The following SNX30 variants were observed in gnomAD, a reference collection of about 807,000 sequenced individuals.
SNX30 encodes the protein sorting nexin-30.
SNX30 carries 24 observed loss-of-function variants against 46.4 expected under a neutral mutation model. The ratio of observed to expected loss-of-function variants is 0.52; its 90% confidence interval spans 0.37 to 0.73. The LOEUF (loss-of-function observed/expected upper bound fraction) is 0.73. Among genes scored for constraint, SNX30 ranks in the 30% least tolerant of loss-of-function variants. The probability of loss-of-function intolerance (pLI) is 0.00; values close to 1 mark genes in which losing one functional copy is unlikely to be tolerated. For synonymous variants in SNX30, 189 were observed against 211.5 expected (o/e 0.89, Z 0.92); for missense variants, 533 against 555.7 (o/e 0.96, Z 0.41).
At chr9:112,850,731 G>A in intron 6 of SNX30, 128 bp from the exon 7 acceptor site, 1 of 634,708 alleles carries the variant, frequency 1.6e-6, no homozygotes, top group East Asian at 2.8e-5. Flanking sequence ...ACTGTCCTAG[G>A]AGCACATGGC....
downstream of SNX30, among the ~76,000 whole-genome samples, chr9:112,882,841 G>C (rs1417412775): frequency 1.3e-5 from 2 of 152,114 alleles, no homozygotes; most frequent in Non-Finnish European, 2.9e-5. Flanking sequence ...ACCTTTGGAA[G>C]TACTTTAGGT....
rs1840195282 is a variant in SNX30 at position 112,804,615 on chromosome 9, A to G, written c.157-161A>G. Reference sequence around the variant, plus strand: ...AGTTTGTTTCTCTTGGTCGTAAAAGATTTGTTCACTCAAGAAACACTGAGT... The same window carrying G: ...AGTTTGTTTCTCTTGGTCGTAAAAGGTTTGTTCACTCAAGAAACACTGAGT... On this transcript the variant is annotated intron_variant, in intron 1 of 8. Transcript: ENST00000374232. Among the ~76,000 whole-genome samples the G allele has an allele frequency of 1.3e-5, 2 of 152,166 alleles. 1 individual carries two copies. The highest frequency in any genetic ancestry group is 4.1e-4 in the South Asian group (2 of 4,828).
At chr9:112,791,025 G>A (rs73548661) in intron 1 of SNX30, among the ~76,000 whole-genome samples, 1,666 of 152,200 alleles carry the variant, frequency 0.011, 26 homozygotes, top group African/African-American at 0.037. Flanking sequence ...TTTAAAATAT[G>A]TCCACTACAT....
At chr9:112,752,587 A>G (rs952325114) in intron 1 of SNX30, among the ~76,000 whole-genome samples, 4 of 152,226 alleles carry the variant, frequency 2.6e-5, no homozygotes, top group Non-Finnish European at 5.9e-5. Context: ...CCTGGGCAAG[A>G]GAGTGAGACC....
chr9:112,867,964 C>G (rs964400459), intron 8 of SNX30, among the ~76,000 whole-genome samples: 16 of 152,230 alleles, frequency 1.1e-4, no homozygotes, highest in African/African-American at 3.6e-4. Context: ...TCTCAGAGGA[C>G]AATGCCAGAG....
intron 4 of SNX30, among the ~76,000 whole-genome samples, chr9:112,831,458 A>G (rs751239345): frequency 2.0e-5 from 3 of 152,212 alleles, no homozygotes; most frequent in South Asian, 2.1e-4. Flanking sequence ...AACAATGGGC[A>G]TGGAACAGAA....
chr9:112,851,195 A>G (rs2131482205), intron 7 of SNX30, among the ~76,000 whole-genome samples: 1 of 152,332 alleles, frequency 6.6e-6, no homozygotes, highest in East Asian at 1.9e-4. Flanking sequence ...TCTGCCATTC[A>G]TCGGCAGTTC....
chr9:112,840,467 A>G (rs1689579376), intron 6 of SNX30, among the ~76,000 whole-genome samples: 1 of 152,176 alleles, frequency 6.6e-6, no homozygotes, highest in Non-Finnish European at 1.5e-5. Context: ...TTATCAAACT[A>G]ATGGTATCTG....
intron 1 of SNX30, among the ~76,000 whole-genome samples, chr9:112,784,150 A>G (rs1564267833): frequency 6.6e-6 from 1 of 152,124 alleles, no homozygotes; most frequent in South Asian, 2.1e-4. Flanking sequence ...CCCAGGCCAT[A>G]TGATCTTAGC....
intron 6 of SNX30, among the ~76,000 whole-genome samples, chr9:112,840,442 A>T (rs1840837049): frequency 2.0e-5 from 3 of 152,242 alleles, no homozygotes; most frequent in Non-Finnish European, 2.9e-5. Flanking sequence ...CTTAAAATGA[A>T]CTAGAATATT....
intron 1 of SNX30, among the ~76,000 whole-genome samples, chr9:112,792,618 G>C (rs1840044979): frequency 6.6e-6 from 1 of 152,042 alleles, no homozygotes; most frequent in Non-Finnish European, 1.5e-5. Context: ...TAGAGACAGG[G>C]TTTCCCCATG....
chr9:112,782,342 A>G (rs1159723707), intron 1 of SNX30, among the ~76,000 whole-genome samples: 1 of 152,242 alleles, frequency 6.6e-6, no homozygotes, highest in Non-Finnish European at 1.5e-5. Context: ...CTGGGATTAT[A>G]GGTGTGAGCC....
At chr9:112,884,961 C>T (rs1033937467), downstream of SNX30, among the ~76,000 whole-genome samples, 2 of 152,162 alleles carry the variant, frequency 1.3e-5, no homozygotes, top group East Asian at 1.9e-4. Context: ...GTGTGCACTG[C>T]ATGGTAGCTA....
At chr9:112,784,233 G>T (rs1340454898) in intron 1 of SNX30, among the ~76,000 whole-genome samples, 1 of 152,000 alleles carries the variant, frequency 6.6e-6, no homozygotes, top group Non-Finnish European at 1.5e-5. Flanking sequence ...CTGGGAGAGG[G>T]GTACCTGGAC....
intron 1 of SNX30, among the ~76,000 whole-genome samples, chr9:112,757,684 C>G (rs1173394500): frequency 2.0e-5 from 3 of 152,168 alleles, no homozygotes; most frequent in Admixed American, 6.5e-5. Flanking sequence ...CCTGGCTTTC[C>G]AGGTCTCTGA....
At position 112,763,360 on chromosome 9, in the gene SNX30, C is replaced by CTTTTT. The variant is rs751720343; in HGVS notation, c.156+12227_156+12231dup. Among the ~76,000 whole-genome samples, 12 of 47,588 alleles carry CTTTTT rather than the reference C, an allele frequency of 2.5e-4. 1 individual carries two copies. The highest frequency in any genetic ancestry group is 1.5e-3 in the East Asian group (2 of 1,348). 31.2% of individuals were successfully genotyped at this position (47,588 alleles called of 152,430 possible). ...TGTATGGTGTGCCTTGCTATTTAAA[C>CTTTTT]TTTTTTTTTTTTTTTTTTTTTTTTT... On this transcript the variant is annotated intron_variant, in intron 1 of 8. Coordinates refer to ENST00000374232, the MANE Select transcript of SNX30 (RefSeq NM_001012994.2).
chr9:112,772,253 A>G (rs756538408), intron 1 of SNX30, among the ~76,000 whole-genome samples: 1 of 152,140 alleles, frequency 6.6e-6, no homozygotes, highest in African/African-American at 2.4e-5. Flanking sequence ...AACAAGTGGA[A>G]ATGGAAGAAG....
intron 1 of SNX30, among the ~76,000 whole-genome samples, chr9:112,804,225 C>T (rs1394422069): frequency 1.3e-5 from 2 of 151,924 alleles, no homozygotes; most frequent in African/African-American, 2.4e-5. Context: ...AGTGCAATGG[C>T]GCAGTCTCGG....
chr9:112,883,002 A>G (rs1841600003), downstream of SNX30, among the ~76,000 whole-genome samples: 1 of 152,242 alleles, frequency 6.6e-6, no homozygotes, highest in Non-Finnish European at 1.5e-5. Flanking sequence ...ATATCTCCTG[A>G]GGAAAGAGTG....
Sources: gnomAD v4.1 joint callset for allele counts (sites outside exome capture counted in the v4.1 genomes callset) on GRCh38, gnomAD v4.1.1 for gene constraint, MANE v1.5 for transcripts, NCBI Gene and HGNC (gene_info 2026-07-23, HGNC 2026-07-21) for gene names.